USO1: variants seen among roughly 807,000 people sequenced by gnomAD.
USO1 encodes general vesicular transport factor p115.
In USO1, 57 loss-of-function variants were observed where a neutral mutation model predicts 124.5. The ratio of observed to expected loss-of-function variants is 0.46; its 90% CI spans 0.37 to 0.57. The LOEUF (loss-of-function observed/expected upper bound fraction) is 0.57, where lower values mean the gene tolerates loss of function less well. Among genes scored for constraint, USO1 ranks in the 20% least tolerant of loss-of-function variants. The pLI is 0.00. For synonymous variants in USO1, 369 were observed against 362.8 expected, an observed-to-expected ratio of 1.02 and a Z score of -0.19; for missense variants, 900 against 1,040.6, an observed-to-expected ratio of 0.86 and a Z score of 1.86.
At position 75,770,527 on chromosome 4, in the gene USO1, A is replaced by G. The variant is rs1418080399; in HGVS notation, c.384A>G (p.Leu128=). 1.3e-6 allele frequency: 2 copies of G among 1,584,572 alleles called. No homozygotes were observed. The highest frequency in any genetic ancestry group is 1.3e-5 in the African/African-American group (1 of 74,278). ...AGCAGGAAAATGTCACTCTTCTGTT[A>G]TCTTTATTGGAGGTAAATAGGGAAC... The part of the protein sequence containing the change: ...IKQQENVTLL[L]SLLEEFDFHV... Residue 128 remains leucine (L), a synonymous_variant, in exon 5 of 24, where the codon TTA becomes TTG. Coordinates refer to ENST00000514213, the MANE Select transcript of USO1 (RefSeq NM_003715.4).
intron 12 of USO1, among the ~76,000 whole-genome samples, chr4:75,791,031 C>T (rs542665362): frequency 2.0e-5 from 3 of 152,120 alleles, no homozygotes; most frequent in Non-Finnish European, 4.4e-5. Context: ...TAACTTCTGC[C>T]GTATAACTTT....
At chr4:75,798,405 T>A (rs2149187636) in intron 13 of USO1, among the ~76,000 whole-genome samples, 1 of 152,336 alleles carries the variant, frequency 6.6e-6, no homozygotes, top group East Asian at 1.9e-4. Flanking sequence ...GTAAGTTTTC[T>A]GTGGCACATA....
intron 7 of USO1, among the ~76,000 whole-genome samples, chr4:75,771,560 A>C (rs372947367): frequency 6.6e-6 from 1 of 152,226 alleles, no homozygotes; most frequent in Non-Finnish European, 1.5e-5. Context: ...TTTGACACCA[A>C]ACTCTACCTC....
rs16996028 is a variant in USO1, at chr4:75,729,162, C to T, written c.66+4277C>T. The stretch of plus-strand genomic sequence containing the variant: ...TGACACTGATTTCTGGTGATTGAAG[C>T]CTCTTTAGCCTTGACACAGTTTGCT... On this transcript the variant is annotated intron_variant, in intron 1 of 23. Coordinates refer to ENST00000514213, the MANE Select transcript of USO1 (RefSeq NM_003715.4). Among the ~76,000 whole-genome samples, 904 of 152,182 alleles carry T rather than the reference C, an allele frequency of 5.9e-3. 15 individuals carry two copies. Among genetic ancestry groups the T allele is most frequent in the African/African-American group, 0.021 (857 of 41,496 alleles).
At chr4:75,776,122 G>A (rs914977044) in intron 8 of USO1, among the ~76,000 whole-genome samples, 3 of 152,146 alleles carry the variant, frequency 2.0e-5, no homozygotes, top group East Asian at 1.9e-4. Context: ...ATGAGAAGTC[G>A]TAAGAGATGG....
At position 75,781,760 on chromosome 4, in the gene USO1, T is replaced by TA. The variant is rs11361627; in HGVS notation, c.677-910dup. ...ACTGCTCTAAAAAATGATGTCTTTT[T>TA]AAAAAAAAAATAATTTATTTTTGTC... On this transcript the variant is annotated intron_variant, in intron 8 of 23. Coordinates refer to ENST00000514213, the MANE Select transcript of USO1 (RefSeq NM_003715.4). Among the ~76,000 whole-genome samples the TA allele has an allele frequency of 7.2e-3, 1,094 of 151,450 alleles. 10 individuals are homozygous for TA. The highest frequency in any genetic ancestry group is 0.012 in the Non-Finnish European group (810 of 67,860).
intron 4 of USO1, among the ~76,000 whole-genome samples, chr4:75,765,148 G>A (rs79744786): frequency 0.027 from 4,148 of 152,188 alleles, 75 homozygotes; most frequent in Non-Finnish European, 0.042. Flanking sequence ...GCCCTACAAA[G>A]CACCCATGAC....
At chr4:75,790,869 C>CT in intron 12 of USO1, 72 bp downstream of exon 12, 4 of 1,392,210 alleles carry the variant, frequency 2.9e-6, no homozygotes, top group Non-Finnish European at 2.8e-6. Flanking sequence ...TTGATTCTTT[C>CT]TTTTTATGCT....
intron 1 of USO1, among the ~76,000 whole-genome samples, chr4:75,744,592 G>A (rs1721067174): frequency 6.6e-6 from 1 of 152,064 alleles, no homozygotes; most frequent in Non-Finnish European, 1.5e-5. Flanking sequence ...GCTCTTTTTT[G>A]TATTTTTAGT....
chr4:75,790,501 G>A (rs1722497679), intron 11 of USO1, 142 bp from the exon 12 acceptor site: 2 of 1,338,294 alleles, frequency 1.5e-6, no homozygotes, highest in Admixed American at 6.2e-5. Flanking sequence ...GTCAGTTACA[G>A]TTTTCTGTGA....
chr4:75,752,076 A>G (rs1379208294), intron 1 of USO1, among the ~76,000 whole-genome samples: 1 of 152,218 alleles, frequency 6.6e-6, no homozygotes, highest in Non-Finnish European at 1.5e-5. Context: ...TCAAACAGTC[A>G]TAATAGGCCT....
At chr4:75,796,217 CA>C (rs1287973593) in intron 13 of USO1, among the ~76,000 whole-genome samples, 2 of 151,522 alleles carry the variant, frequency 1.3e-5, no homozygotes, top group Admixed American at 6.6e-5. Flanking sequence ...AATTTATATA[CA>C]ATAAAATGCA....
At chr4:75,734,037 C>T (rs1248789084) in intron 1 of USO1, among the ~76,000 whole-genome samples, 1 of 150,492 alleles carries the variant, frequency 6.6e-6, no homozygotes, top group Non-Finnish European at 1.5e-5. Context: ...CCTCTGCCTC[C>T]CGGATTCAAG....
intron 9 of USO1, among the ~76,000 whole-genome samples, chr4:75,784,752 C>T (rs1041245280): frequency 1.3e-5 from 2 of 150,358 alleles, no homozygotes; most frequent in Non-Finnish European, 3.0e-5. Flanking sequence ...AATCACGCCA[C>T]GCACTCCAGC....
chr4:75,756,507 ATTTTTT>A lies in USO1; in HGVS notation c.219-979_219-974del, dbSNP rs5859475. Among the ~76,000 whole-genome samples the A allele has an allele frequency of 2.2e-5, 3 of 135,166 alleles. 1 individual carries two copies. In the Admixed American group the frequency reaches 2.3e-4, roughly 10 times the overall value. The allele number at this position is 135,166 out of a possible 152,430, so 88.7% of individuals were successfully genotyped here. On this transcript the variant is annotated intron_variant, in intron 3 of 23. Transcript: ENST00000514213. ...GTGGTCTTTATTGTCTTTCATAATA[ATTTTTT>A]TTTTTTTTTTGAGACGGAGTTTTGC...
intron 15 of USO1, 21 bp from the exon 16 acceptor site, chr4:75,800,597 T>G (rs778393182): frequency 2.6e-6 from 4 of 1,529,374 alleles, no homozygotes; most frequent in Non-Finnish European, 3.5e-6. Flanking sequence ...TTAAAGCATC[T>G]CAATATGCTT....
intron 7 of USO1, among the ~76,000 whole-genome samples, chr4:75,774,237 A>G (rs978272240): frequency 2.6e-5 from 4 of 152,192 alleles, no homozygotes; most frequent in African/African-American, 9.7e-5. Flanking sequence ...AGAATTTCTG[A>G]ACTTTCTCTA....
At chr4:75,803,231 G>A (rs1722903748) in intron 17 of USO1, among the ~76,000 whole-genome samples, 1 of 151,878 alleles carries the variant, frequency 6.6e-6, no homozygotes, top group East Asian at 1.9e-4. Flanking sequence ...AAACTATGTA[G>A]CAATATGGGG....
At chr4:75,802,409 T>G (rs765591253) in intron 17 of USO1, among the ~76,000 whole-genome samples, 8 of 152,180 alleles carry the variant, frequency 5.3e-5, no homozygotes, top group Non-Finnish European at 1.2e-4. Flanking sequence ...TACAGTTGAT[T>G]TGGCAAAAGA....
Sources: allele counts gnomAD v4.1 joint callset (sites outside exome capture counted in the v4.1 genomes callset), GRCh38; gene constraint gnomAD v4.1.1; transcripts MANE v1.5; gene names NCBI Gene and HGNC (gene_info 2026-07-23, HGNC 2026-07-21).